IMMP2L: variants seen among roughly 807,000 people sequenced by gnomAD.
IMMP2L encodes the protein mitochondrial inner membrane protease subunit 2.
Under a neutral mutation model 19.3 loss-of-function variants are expected in IMMP2L, and 18 were observed. That is an observed-to-expected ratio of 0.93 (90% CI 0.64 to 1.38). IMMP2L has a LOEUF of 1.38. Ranked by LOEUF, IMMP2L falls within the 40% of genes most tolerant of loss-of-function variation. The probability of loss-of-function intolerance (pLI) is 0.00; values close to 1 mark genes in which losing one functional copy is unlikely to be tolerated. For missense variants in IMMP2L, 233 were observed against 218.2 expected (o/e 1.07, Z -0.43); for synonymous variants, 76 against 73.0 (o/e 1.04, Z -0.21).
chr7:110,916,190 C>T (rs1261607219), intron 4 of IMMP2L, among the ~76,000 whole-genome samples: 1 of 152,182 alleles, frequency 6.6e-6, no homozygotes, highest in Non-Finnish European at 1.5e-5. Context: ...CAGGACACTG[C>T]AGTCACTGTG....
chr7:110,916,630 G>A (rs904226875), intron 4 of IMMP2L, among the ~76,000 whole-genome samples: 9 of 152,164 alleles, frequency 5.9e-5, no homozygotes, highest in African/African-American at 1.2e-4. Flanking sequence ...CCACACAGAT[G>A]CAAATATAGA....
chr7:111,423,397 G>A (rs1235653312), intron 3 of IMMP2L, among the ~76,000 whole-genome samples: 2 of 151,798 alleles, frequency 1.3e-5, no homozygotes, highest in African/African-American at 4.9e-5. Context: ...TTCAGAGCCT[G>A]TTATTGGTCT....
chr7:111,191,785 TC>T (rs2129613173), intron 3 of IMMP2L, among the ~76,000 whole-genome samples: 1 of 152,220 alleles, frequency 6.6e-6, no homozygotes, highest in African/African-American at 2.4e-5. Flanking sequence ...AGTTTCACAT[TC>T]TTTCTATACA....
chr7:111,124,016 T>C (rs1430487563), intron 3 of IMMP2L: 1 of 1,614,018 alleles, frequency 6.2e-7, no homozygotes, highest in Non-Finnish European at 8.5e-7. Context: ...TTCAGGGACA[T>C]GATGGAAATT....
intron 2 of IMMP2L, among the ~76,000 whole-genome samples, chr7:111,498,907 G>T (rs1563272100): frequency 6.6e-6 from 1 of 152,072 alleles, no homozygotes; most frequent in Non-Finnish European, 1.5e-5. Context: ...CAAATGCATA[G>T]GAAACAGCTT....
At chr7:110,818,867 A>T (rs1802774748) in intron 5 of IMMP2L, among the ~76,000 whole-genome samples, 1 of 149,520 alleles carries the variant, frequency 6.7e-6, no homozygotes, top group African/African-American at 2.5e-5. Flanking sequence ...AGGACAAAAA[A>T]CCAAACACCG....
chr7:111,501,358 G>A (rs974529756), intron 2 of IMMP2L, among the ~76,000 whole-genome samples: 9 of 152,186 alleles, frequency 5.9e-5, no homozygotes, highest in African/African-American at 2.2e-4. Flanking sequence ...TGGTGTACCT[G>A]AAAGTGACGG....
intron 5 of IMMP2L, among the ~76,000 whole-genome samples, chr7:110,858,455 G>A (rs747091406): frequency 7.2e-5 from 11 of 151,998 alleles, no homozygotes; most frequent in African/African-American, 2.7e-4. Context: ...AACTAACCAC[G>A]TACCAGTTTG....
At chr7:110,960,852 A>T (rs1818857006) in intron 4 of IMMP2L, among the ~76,000 whole-genome samples, 1 of 151,898 alleles carries the variant, frequency 6.6e-6, no homozygotes, top group African/African-American at 2.4e-5. Flanking sequence ...AATATAAACA[A>T]CCCAATACAA....
At chr7:110,668,382 A>T (rs988219047) in intron 5 of IMMP2L, among the ~76,000 whole-genome samples, 7 of 152,220 alleles carry the variant, frequency 4.6e-5, no homozygotes, top group Non-Finnish European at 1.0e-4. Context: ...GTTGGAAAAC[A>T]GCTGGTCTCC....
chr7:111,553,500 T>C (rs78391769), intron 1 of IMMP2L, among the ~76,000 whole-genome samples: 1 of 152,116 alleles, frequency 6.6e-6, no homozygotes, highest in Non-Finnish European at 1.5e-5. Context: ...TTCTGGAAAA[T>C]GGCTATTTTT....
At chr7:110,744,731 G>C (rs1797215170) in intron 5 of IMMP2L, among the ~76,000 whole-genome samples, 1 of 152,106 alleles carries the variant, frequency 6.6e-6, no homozygotes, top group Admixed American at 6.6e-5. Flanking sequence ...TCCACTCAGA[G>C]ACCCCATCTG....
chr7:111,524,479 A>G (rs545977048), intron 1 of IMMP2L, among the ~76,000 whole-genome samples: 1 of 151,838 alleles, frequency 6.6e-6, no homozygotes, highest in East Asian at 1.9e-4. Flanking sequence ...CAACTCCCAG[A>G]TAATAATTCC....
chr7:110,846,693 A>G (rs1315689184), intron 5 of IMMP2L, among the ~76,000 whole-genome samples: 2 of 152,034 alleles, frequency 1.3e-5, no homozygotes, highest in Non-Finnish European at 2.9e-5. Flanking sequence ...TTCAACCTTG[A>G]ATGCTTCCAA....
At chr7:111,349,653 C>G (rs904905608) in intron 3 of IMMP2L, among the ~76,000 whole-genome samples, 2 of 152,046 alleles carry the variant, frequency 1.3e-5, no homozygotes, top group African/African-American at 4.8e-5. Context: ...CAGGTGGTAC[C>G]AGCAAGGGGA....
At chr7:111,087,151 G>A (rs779552531) in intron 3 of IMMP2L, among the ~76,000 whole-genome samples, 22 of 152,048 alleles carry the variant, frequency 1.4e-4, no homozygotes, top group Admixed American at 7.2e-4. Flanking sequence ...CCAATTGAAG[G>A]TAAAAATATC....
chr7:110,800,265 A>G (rs1801153940), intron 5 of IMMP2L, among the ~76,000 whole-genome samples: 1 of 152,072 alleles, frequency 6.6e-6, no homozygotes, highest in Non-Finnish European at 1.5e-5. Context: ...CAACAATTGG[A>G]GTATTAGAAA....
chr7:111,501,111 T>G (rs1640453539), intron 2 of IMMP2L, among the ~76,000 whole-genome samples: 1 of 151,902 alleles, frequency 6.6e-6, no homozygotes. Context: ...GAATAACCAA[T>G]GCAGAGAAGT....
intron 3 of IMMP2L, among the ~76,000 whole-genome samples, chr7:111,390,267 G>C (rs1049490777): frequency 7.9e-5 from 12 of 152,206 alleles, no homozygotes; most frequent in African/African-American, 2.4e-4. Context: ...GGCCCCACTG[G>C]CTTGTCTAGG....
Sources: allele counts gnomAD v4.1 joint callset (sites outside exome capture counted in the v4.1 genomes callset), GRCh38; gene constraint gnomAD v4.1.1; transcripts MANE v1.5; gene names NCBI Gene and HGNC (gene_info 2026-07-23, HGNC 2026-07-21).